Variants in STAC observed in about 807,000 individuals in gnomAD.
The protein encoded by STAC is SH3 and cysteine rich domain, also known as SH3 and cysteine-rich domain-containing protein.
Under a neutral mutation model 48.8 loss-of-function variants are expected in STAC, and 43 were observed. The ratio of observed to expected loss-of-function variants is 0.88; its 90% CI spans 0.69 to 1.14. The LOEUF is 1.14. STAC is among the 50% of genes most tolerant of loss of function. The pLI, the probability that STAC is intolerant of heterozygous loss-of-function variation, is 0.00. For synonymous variants in STAC, 193 were observed against 179.5 expected, an observed-to-expected ratio of 1.07 and a Z score of -0.60; for missense variants, 497 against 504.0, an observed-to-expected ratio of 0.99 and a Z score of 0.13.
chr3:36,433,981 A>G (rs73063831), intron 1 of STAC, among the ~76,000 whole-genome samples: 3,542 of 152,342 alleles, frequency 0.023, 58 homozygotes, highest in East Asian at 0.026. Context: ...TATTGTACTT[A>G]ATGTAAAAGA....
At chr3:36,522,095 G>GA (rs928171971) in intron 8 of STAC, among the ~76,000 whole-genome samples, 11 of 151,204 alleles carry the variant, frequency 7.3e-5, no homozygotes, top group African/African-American at 2.4e-5. Context: ...TTAAAAAAAA[G>GA]AAAAAAAAGA....
intron 2 of STAC, among the ~76,000 whole-genome samples, chr3:36,468,764 GTGTGTGTGTT>G (rs1202351971): frequency 1.4e-5 from 2 of 146,642 alleles, no homozygotes; most frequent in Admixed American, 6.7e-5. Flanking sequence ...GTGTGTGTGT[GTGTGTGTGTT>G]TGTGTGTGTT....
rs1297889483 is a variant in STAC at position 36,380,622 on chromosome 3, A to T, written c.-22A>T. The stretch of plus-strand genomic sequence containing the variant: ...GCCTCGCTGTTCCTCCGGGAGCCCA[A>T]CACCGTTCCCGCGCGGCCACGATGA... On this transcript the variant is annotated 5_prime_UTR_variant, in exon 1 of 11. Coordinates refer to ENST00000273183, the MANE Select transcript of STAC (RefSeq NM_003149.3). 2 of 1,555,164 alleles carry T rather than the reference A, an allele frequency of 1.3e-6. No individual in the cohort carries two copies. Among genetic ancestry groups the T allele is most frequent in the East Asian group, 4.8e-5 (2 of 42,014 alleles).
chr3:36,533,769 T>C (rs1451543744), intron 10 of STAC, among the ~76,000 whole-genome samples: 1 of 152,078 alleles, frequency 6.6e-6, no homozygotes, highest in Non-Finnish European at 1.5e-5. Context: ...AGGCAAACAA[T>C]TCAGCCTCTT....
intron 1 of STAC, among the ~76,000 whole-genome samples, chr3:36,383,731 T>C (rs1699561551): frequency 1.3e-5 from 2 of 152,228 alleles, no homozygotes; most frequent in African/African-American, 4.8e-5. Context: ...CATGCATATA[T>C]GCATCATCTA....
intron 1 of STAC, among the ~76,000 whole-genome samples, chr3:36,436,829 T>G (rs1700844977): frequency 6.6e-6 from 1 of 151,784 alleles, no homozygotes; most frequent in African/African-American, 2.4e-5. Flanking sequence ...ACCATCAGAG[T>G]GAACAGGCAA....
intron 2 of STAC, among the ~76,000 whole-genome samples, chr3:36,458,787 G>A (rs142591234): frequency 2.0e-3 from 298 of 152,306 alleles, no homozygotes; most frequent in African/African-American, 7.0e-3. Context: ...TACCCCAAAT[G>A]AAGGACTTCA....
At chr3:36,445,919 C>T (rs934517848) in intron 2 of STAC, among the ~76,000 whole-genome samples, 1 of 152,200 alleles carries the variant, frequency 6.6e-6, no homozygotes, top group Admixed American at 6.5e-5. Context: ...TGTACACTCA[C>T]AGTTCAGTTT....
At chr3:36,546,152 C>T in intron 10 of STAC, 39 bp from the exon 11 acceptor site, 1 of 1,564,128 alleles carries the variant, frequency 6.4e-7, no homozygotes, top group South Asian at 1.1e-5. Flanking sequence ...TTCTTGCTGA[C>T]AGTAAAGTAT....
chr3:36,406,642 A>G (rs931534967), intron 1 of STAC, among the ~76,000 whole-genome samples: 2 of 152,242 alleles, frequency 1.3e-5, no homozygotes, highest in Non-Finnish European at 2.9e-5. Context: ...TGAGCAAGCT[A>G]CAGTCTGCAG....
chr3:36,461,349 A>T (rs1697012247), intron 2 of STAC, among the ~76,000 whole-genome samples: 1 of 152,204 alleles, frequency 6.6e-6, no homozygotes, highest in Admixed American at 6.5e-5. Context: ...ATAGGAATTC[A>T]TTCAGCAAAT....
At chr3:36,429,764 C>G in intron 1 of STAC, among the ~76,000 whole-genome samples, 1 of 152,186 alleles carries the variant, frequency 6.6e-6, no homozygotes, top group East Asian at 1.9e-4. Context: ...CTGTTTCACT[C>G]TGCTCCAACT....
At chr3:36,425,493 G>T (rs1468170614) in intron 1 of STAC, among the ~76,000 whole-genome samples, 5 of 152,168 alleles carry the variant, frequency 3.3e-5, no homozygotes, top group African/African-American at 1.2e-4. Flanking sequence ...TGGAATCCTG[G>T]ATTGGATCCT....
chr3:36,419,712 G>GAGGT lies in STAC; in HGVS notation c.112-23651_112-23650insGGTA, dbSNP rs545284434. The stretch of plus-strand genomic sequence containing the variant: ...AAAGTCTGTTCAGGTCAGGGAAGAA[G>GAGGT]AACTGTTTTCTTCTTTGGCAGGTCC... On this transcript the variant is annotated intron_variant, in intron 1 of 10. Coordinates refer to ENST00000273183, the MANE Select transcript of STAC (RefSeq NM_003149.3). 5.2e-3 allele frequency among the ~76,000 whole-genome samples: 785 copies of GAGGT among 152,272 alleles called. 8 individuals are homozygous for GAGGT. Among genetic ancestry groups the GAGGT allele is most frequent in the East Asian group, 0.026 (133 of 5,184 alleles).
At chr3:36,529,324 A>C (rs1699012310) in intron 10 of STAC, 1 of 165,550 alleles carries the variant, frequency 6.0e-6, no homozygotes, top group African/African-American at 2.4e-5. Context: ...AGGTGTGGTT[A>C]ATTCTTCAGT....
At chr3:36,491,633 G>A (rs1697968804) in intron 5 of STAC, among the ~76,000 whole-genome samples, 1 of 151,994 alleles carries the variant, frequency 6.6e-6, no homozygotes, top group Non-Finnish European at 1.5e-5. Flanking sequence ...TCTGGAGGGT[G>A]GTGCTAAAGG....
Position 36,380,548 on chromosome 3 carries a change from C to G in STAC, c.-96C>G, listed in dbSNP as rs1699483702. On this transcript the variant is annotated 5_prime_UTR_variant, in exon 1 of 11. Transcript: ENST00000273183. Reference sequence around the variant, plus strand: ...CGGCGAGGATGGGAGTCCCCAGGACCCGGAGCTGAGCAGCCTGGCGCGCGG... The same window carrying G: ...CGGCGAGGATGGGAGTCCCCAGGACGCGGAGCTGAGCAGCCTGGCGCGCGG... 1.0e-6 allele frequency: 1 copy of G among 998,526 alleles called. No homozygotes were observed. The highest frequency in any genetic ancestry group is 1.5e-6 in the Non-Finnish European group (1 of 655,754). The allele number at this position is 998,526 out of a possible 1,614,324, so 61.9% of individuals were successfully genotyped here.
chr3:36,459,054 A>G lies in STAC; in HGVS notation c.388+15414A>G, dbSNP rs190051531. On this transcript the variant is annotated intron_variant, in intron 2 of 10. Coordinates refer to ENST00000273183, the MANE Select transcript of STAC (RefSeq NM_003149.3). ...AATTCTCTGAAACTAAAATTCAGCAAGTAACTTATAAGAGTTATGTGAAAG... is the reference window on the plus strand; with the variant it reads ...AATTCTCTGAAACTAAAATTCAGCAGGTAACTTATAAGAGTTATGTGAAAG... Among the ~76,000 whole-genome samples, 12 of 152,364 alleles carry G rather than the reference A, an allele frequency of 7.9e-5. No individual in the cohort carries two copies. The South Asian group carries it at 1.2e-3, about 16-fold the overall frequency.
intron 1 of STAC, among the ~76,000 whole-genome samples, chr3:36,391,761 C>G (rs1449021128): frequency 6.6e-6 from 1 of 152,160 alleles, no homozygotes; most frequent in Non-Finnish European, 1.5e-5. Context: ...TCTTGCAGCT[C>G]CCAGAGCATG....
Sources: gnomAD v4.1 joint callset for allele counts (sites outside exome capture counted in the v4.1 genomes callset) on GRCh38, gnomAD v4.1.1 for gene constraint, MANE v1.5 for transcripts, NCBI Gene and HGNC (gene_info 2026-07-23, HGNC 2026-07-21) for gene names.